The following RABGAP1L variants were observed in gnomAD, a reference collection of about 807,000 sequenced individuals.
RABGAP1L encodes the protein RAB GTPase activating protein 1 like, also known as rab GTPase-activating protein 1-like.
RABGAP1L carries 63 observed loss-of-function variants against 137.7 expected under a neutral mutation model. The observed-to-expected ratio is 0.46, with a 90% confidence interval of 0.37 to 0.56. The LOEUF (loss-of-function observed/expected upper bound fraction) is 0.56. RABGAP1L is among the 20% of genes least tolerant of loss of function. The probability of loss-of-function intolerance (pLI) is 0.00; values close to 1 mark genes in which losing one functional copy is unlikely to be tolerated. For missense variants in RABGAP1L, 1,095 were observed against 1,244.0 expected, an observed-to-expected ratio of 0.88 and a Z score of 1.80; for synonymous variants, 431 against 433.7, an observed-to-expected ratio of 0.99 and a Z score of 0.08.
chr1:174,417,822 G>A (rs562257106), intron 13 of RABGAP1L, among the ~76,000 whole-genome samples: 138 of 152,106 alleles, frequency 9.1e-4, no homozygotes, highest in Non-Finnish European at 1.7e-3. Flanking sequence ...TCTAAAAGCT[G>A]AGTTACCCAG....
At chr1:174,946,760 G>A (rs1666827041) in intron 19 of RABGAP1L, among the ~76,000 whole-genome samples, 1 of 151,252 alleles carries the variant, frequency 6.6e-6, no homozygotes, top group African/African-American at 2.4e-5. Flanking sequence ...AATTAGCCAA[G>A]TGTGGTGGCA....
chr1:174,600,286 A>T (rs981013645), intron 13 of RABGAP1L, among the ~76,000 whole-genome samples: 1 of 152,162 alleles, frequency 6.6e-6, no homozygotes, highest in Non-Finnish European at 1.5e-5. Flanking sequence ...TTGAGATTTG[A>T]ATGGGGAGAC....
At chr1:174,421,281 G>A (rs977130551) in intron 13 of RABGAP1L, among the ~76,000 whole-genome samples, 3 of 152,084 alleles carry the variant, frequency 2.0e-5, no homozygotes, top group Admixed American at 6.5e-5. Flanking sequence ...CTTTGCTACC[G>A]TTAGAGTCTT....
At chr1:174,694,947 C>T (rs1466669815) in intron 15 of RABGAP1L, among the ~76,000 whole-genome samples, 1 of 151,972 alleles carries the variant, frequency 6.6e-6, no homozygotes, top group Admixed American at 6.6e-5. Context: ...TCTCTGATGG[C>T]CAGTGATGGT....
chr1:174,556,360 TGAA>T (rs1246187735), intron 13 of RABGAP1L, among the ~76,000 whole-genome samples: 1 of 152,154 alleles, frequency 6.6e-6, no homozygotes, highest in African/African-American at 2.4e-5. Context: ...AATATACTGA[TGAA>T]GAAAAAGTAG....
chr1:174,818,147 A>G (rs75747811), intron 19 of RABGAP1L, among the ~76,000 whole-genome samples: 1 of 152,194 alleles, frequency 6.6e-6, no homozygotes, highest in Non-Finnish European at 1.5e-5. Flanking sequence ...CATTGAAACC[A>G]TGGGAGTGGG....
chr1:174,243,563 G>A (rs1014881811), intron 5 of RABGAP1L, among the ~76,000 whole-genome samples: 1 of 152,048 alleles, frequency 6.6e-6, no homozygotes, highest in Non-Finnish European at 1.5e-5. Flanking sequence ...TGACACATCA[G>A]TTCTAAATGA....
intron 13 of RABGAP1L, among the ~76,000 whole-genome samples, chr1:174,461,012 G>A (rs1656628683): frequency 6.6e-6 from 1 of 152,078 alleles, no homozygotes; most frequent in South Asian, 2.1e-4. Flanking sequence ...CTGTGCTACT[G>A]CTGCTTTGTT....
At chr1:174,568,053 G>A (rs567437361) in intron 13 of RABGAP1L, among the ~76,000 whole-genome samples, 5 of 152,252 alleles carry the variant, frequency 3.3e-5, no homozygotes, top group Admixed American at 1.3e-4. Context: ...CACATGATCC[G>A]GGAGGCTGTA....
chr1:174,699,800 T>C lies in RABGAP1L; in HGVS notation c.2025+150T>C, dbSNP rs1410308937. ...ATTTAGTTTCAGACCAATATCTACA[T>C]TGGTCTATCATAATATGTTTATTTA... On this transcript the variant is annotated intron_variant, in intron 16 of 25. Coordinates refer to ENST00000681986, the MANE Select transcript of RABGAP1L (RefSeq NM_001366446.1). The C allele has an allele frequency of 1.8e-5, 13 of 726,890 alleles. 1 individual carries two copies. In the Admixed American group the frequency reaches 2.2e-4, roughly 12 times the overall value. 45.0% of individuals were successfully genotyped at this position (726,890 alleles called of 1,614,324 possible).
chr1:174,286,328 T>C (rs189334218), intron 10 of RABGAP1L, among the ~76,000 whole-genome samples: 3 of 152,184 alleles, frequency 2.0e-5, no homozygotes, highest in African/African-American at 7.2e-5. Flanking sequence ...TATTTATTAT[T>C]CTAGGTTATC....
intron 19 of RABGAP1L, among the ~76,000 whole-genome samples, chr1:174,909,501 A>G (rs1659707246): frequency 6.6e-6 from 1 of 152,220 alleles, no homozygotes; most frequent in Non-Finnish European, 1.5e-5. Flanking sequence ...TGCTAGGATT[A>G]TAGGCATGAG....
rs137958137 is a variant in RABGAP1L, at chr1:174,300,154, C to T, written c.1324-4832C>T. Among the ~76,000 whole-genome samples, 159 of 152,146 alleles carry T rather than the reference C, an allele frequency of 1.0e-3. 1 individual carries two copies. The highest frequency in any genetic ancestry group is 3.1e-3 in the Admixed American group (47 of 15,276). On this transcript the variant is annotated intron_variant, in intron 10 of 25. Transcript: ENST00000681986. ...AAGACAGAACATCATTTTGGCAATC[C>T]CATATACCTAAACATGTCAAATAAT...
At position 174,596,499 on chromosome 1, in the gene RABGAP1L, A is replaced by T. The variant is rs545270817; in HGVS notation, c.1711-40876A>T. 1.5e-3 allele frequency among the ~76,000 whole-genome samples: 224 copies of T among 152,250 alleles called. 2 individuals are homozygous for T. The highest frequency in any genetic ancestry group is 5.0e-3 in the African/African-American group (209 of 41,562). On this transcript the variant is annotated intron_variant, in intron 13 of 25. Transcript: ENST00000681986. ...GTTGCAAATTGGATTCTTAAATTTT[A>T]AATTTCTTTTTCAGATTGTTCATTG...
At chr1:174,271,446 TCTTTACC>T in intron 7 of RABGAP1L, among the ~76,000 whole-genome samples, 1 of 152,272 alleles carries the variant, frequency 6.6e-6, no homozygotes, top group South Asian at 2.1e-4. Context: ...ATAGTTATAT[TCTTTACC>T]CTTTCTATAA....
chr1:174,218,649 A>G (rs1669523757), intron 1 of RABGAP1L, among the ~76,000 whole-genome samples: 1 of 152,170 alleles, frequency 6.6e-6, no homozygotes, highest in Non-Finnish European at 1.5e-5. Context: ...CTCAGAAAAA[A>G]TATTTGCAGG....
chr1:174,407,450 C>G (rs890292290), intron 13 of RABGAP1L, among the ~76,000 whole-genome samples: 2 of 151,910 alleles, frequency 1.3e-5, no homozygotes, highest in African/African-American at 2.4e-5. Context: ...TTGTGTATAA[C>G]CTTTTACTCC....
At chr1:174,435,928 A>G (rs1305917758) in intron 13 of RABGAP1L, among the ~76,000 whole-genome samples, 2 of 151,934 alleles carry the variant, frequency 1.3e-5, no homozygotes, top group Non-Finnish European at 2.9e-5. Context: ...TCCTTGCTAC[A>G]GTTTTCTGAG....
intron 13 of RABGAP1L, among the ~76,000 whole-genome samples, chr1:174,417,621 A>G (rs1262630728): frequency 2.6e-5 from 4 of 152,204 alleles, no homozygotes; most frequent in Admixed American, 2.6e-4. Context: ...TATTTTTAAT[A>G]GTTTGTTTTA....
Sources: gnomAD v4.1 joint callset for allele counts (sites outside exome capture counted in the v4.1 genomes callset) on GRCh38, gnomAD v4.1.1 for gene constraint, MANE v1.5 for transcripts, NCBI Gene and HGNC (gene_info 2026-07-23, HGNC 2026-07-21) for gene names.